MAP2K1: variants seen among roughly 807,000 people sequenced by gnomAD.
The protein encoded by MAP2K1 is mitogen-activated protein kinase kinase 1.
In MAP2K1, 16 loss-of-function variants were observed where a neutral mutation model predicts 46.3. The ratio of observed to expected loss-of-function variants is 0.35; its 90% CI spans 0.23 to 0.52. MAP2K1 has a LOEUF of 0.52. Ranked by LOEUF, MAP2K1 falls within the 20% of genes least tolerant of loss-of-function variation. The pLI, the probability that MAP2K1 is intolerant of heterozygous loss-of-function variation, is 0.94. For missense variants in MAP2K1, 263 were observed against 497.1 expected (o/e 0.53, Z 4.48); for synonymous variants, 183 against 185.6 (o/e 0.99, Z 0.11).
At chr15:66,481,642 G>A in intron 5 of MAP2K1, 113 bp from the exon 6 acceptor site, 4 of 1,228,450 alleles carry the variant, frequency 3.3e-6, no homozygotes, top group Non-Finnish European at 3.6e-6. Flanking sequence ...ATGGCGGACG[G>A]GGGTGTGGTC....
intron 1 of MAP2K1, among the ~76,000 whole-genome samples, chr15:66,420,839 ATG>A (rs376671916): frequency 0.18 from 16,836 of 92,276 alleles, 4,586 homozygotes; most frequent in Middle Eastern, 0.32. Context: ...GTGTATATAT[ATG>A]TGTGTATATA....
chr15:66,449,408 A>G (rs1891974386), intron 5 of MAP2K1, among the ~76,000 whole-genome samples: 1 of 152,212 alleles, frequency 6.6e-6, no homozygotes, highest in Non-Finnish European at 1.5e-5. Context: ...TTTAGAACAG[A>G]CAATCCACAG....
intron 1 of MAP2K1, among the ~76,000 whole-genome samples, chr15:66,420,692 A>T: frequency 1.2e-5 from 1 of 81,346 alleles, no homozygotes; most frequent in African/African-American, 4.2e-5. Context: ...TATTCCCCTA[A>T]TACTTACTCT....
rs183619494 is a variant in MAP2K1, at chr15:66,453,653, A to T, written c.568+8946A>T. The T allele has an allele frequency of 1.0e-3, 638 of 638,302 alleles. 1 individual carries two copies. In the African/African-American group the frequency reaches 0.01, roughly 10 times the overall value. The allele number at this position is 638,302 out of a possible 1,614,324, so 39.5% of individuals were successfully genotyped here. A position where few individuals can be genotyped will look rare whatever the true frequency, so the allele number is the denominator to read the frequency against. On this transcript the variant is annotated intron_variant, in intron 5 of 10. Coordinates refer to ENST00000307102, the MANE Select transcript of MAP2K1 (RefSeq NM_002755.4). ...GGCCAGTTCTACCTCTGTTCTAAAT[A>T]TATTCTTCACTGATGAAATTTCAAC...
chr15:66,435,015 A>C lies in MAP2K1; in HGVS notation c.81-12A>C, dbSNP rs758667573. ...GTGACAGTATTGACTTGTGCTCCCC[A>C]CTTTGGAACAGGACCAACTTGGAGG... On this transcript the variant is annotated splice_polypyrimidine_tract_variant and intron_variant, in intron 1 of 10. Coordinates refer to ENST00000307102, the MANE Select transcript of MAP2K1 (RefSeq NM_002755.4). 1 of 1,584,540 alleles carries C rather than the reference A, an allele frequency of 6.3e-7. No individual in the cohort carries two copies.
intron 8 of MAP2K1, 108 bp from the exon 9 acceptor site, chr15:66,489,104 GAGA>G: frequency 2.3e-6 from 2 of 851,824 alleles, no homozygotes; most frequent in Non-Finnish European, 4.0e-6. Flanking sequence ...TTGGACTGCA[GAGA>G]AGACTTTAAA....
intron 1 of MAP2K1, among the ~76,000 whole-genome samples, chr15:66,434,781 C>G (rs746062213): frequency 7.9e-5 from 12 of 152,088 alleles, no homozygotes; most frequent in Non-Finnish European, 1.5e-4. Context: ...GTGAGAAAGA[C>G]CTAATTTTTT....
chr15:66,398,797 CAG>C (rs1313420276), intron 1 of MAP2K1, among the ~76,000 whole-genome samples: 2 of 141,016 alleles, frequency 1.4e-5, no homozygotes, highest in Admixed American at 1.5e-4. Context: ...TTTTTTGAGA[CAG>C]TCTCACTCTT....
At chr15:66,488,120 A>G (rs999015299) in intron 8 of MAP2K1, among the ~76,000 whole-genome samples, 7 of 151,834 alleles carry the variant, frequency 4.6e-5, no homozygotes, top group Middle Eastern at 3.4e-3. Flanking sequence ...CAGTTGTTCT[A>G]CTGCAGCCTC....
intron 7 of MAP2K1, among the ~76,000 whole-genome samples, 156 bp downstream of exon 7, chr15:66,485,347 C>T (rs1350637323): frequency 6.6e-6 from 1 of 152,220 alleles, no homozygotes; most frequent in Non-Finnish European, 1.5e-5. Flanking sequence ...CAAGGGTCTC[C>T]AGGTGGGTGT....
rs568216209 is a variant in MAP2K1, at chr15:66,423,120, C to T, written c.81-11907C>T. Among the ~76,000 whole-genome samples the T allele has an allele frequency of 1.9e-4, 29 of 152,064 alleles. 1 individual carries two copies. The South Asian group carries it at 4.4e-3, about 23-fold the overall frequency. ...CCAGCCTCCATTTAAAAAGTTCTGT[C>T]GACCTATCTTCAGGGTCACTGATTG... On this transcript the variant is annotated intron_variant, in intron 1 of 10. Transcript: ENST00000307102.
intron 6 of MAP2K1, among the ~76,000 whole-genome samples, chr15:66,484,367 C>T (rs562528614): frequency 2.0e-5 from 3 of 152,026 alleles, no homozygotes; most frequent in African/African-American, 7.2e-5. Context: ...AGGCTGGTCT[C>T]GAACTCCTGA....
At chr15:66,389,910 A>G (rs1566992749) in intron 1 of MAP2K1, among the ~76,000 whole-genome samples, 1 of 152,082 alleles carries the variant, frequency 6.6e-6, no homozygotes, top group Non-Finnish European at 1.5e-5. Context: ...GCTTAGGTTT[A>G]GTTTTTTTCA....
At chr15:66,478,466 ATATATATACAGGTG>A (rs1278475649) in intron 5 of MAP2K1, among the ~76,000 whole-genome samples, 1 of 147,062 alleles carries the variant, frequency 6.8e-6, no homozygotes, top group Admixed American at 6.9e-5. Flanking sequence ...AGGTATATAT[ATATATATACAGGTG>A]TATATATAGA....
chr15:66,465,622 A>G (rs2140640319), intron 5 of MAP2K1, among the ~76,000 whole-genome samples: 1 of 152,228 alleles, frequency 6.6e-6, no homozygotes, highest in East Asian at 1.9e-4. Context: ...GCATAAGACA[A>G]TATGAGGTGG....
At chr15:66,424,791 C>CTTTTTTTTT (rs58738231) in intron 1 of MAP2K1, among the ~76,000 whole-genome samples, 1 of 82,120 alleles carries the variant, frequency 1.2e-5, no homozygotes, top group Non-Finnish European at 2.3e-5. Context: ...CAATCTCAAT[C>CTTTTTTTTT]TTTTTTTTTT....
chr15:66,388,288 C>T (rs1031665010), intron 1 of MAP2K1, among the ~76,000 whole-genome samples: 29 of 152,096 alleles, frequency 1.9e-4, no homozygotes, highest in African/African-American at 7.0e-4. Flanking sequence ...CTCTTGGGTT[C>T]TAGGTAAGGG....
intron 4 of MAP2K1, 116 bp downstream of exon 4, chr15:66,443,473 G>T: frequency 1.4e-6 from 1 of 724,914 alleles, no homozygotes; most frequent in Non-Finnish European, 2.5e-6. Context: ...TATAAGAAAA[G>T]TGGTATTTTC....
At chr15:66,472,124 G>A (rs904267693) in intron 5 of MAP2K1, among the ~76,000 whole-genome samples, 9 of 149,164 alleles carry the variant, frequency 6.0e-5, no homozygotes, top group African/African-American at 9.9e-5. Context: ...CCAACATGGC[G>A]AAACCCCATC....
Sources: allele counts gnomAD v4.1 joint callset (sites outside exome capture counted in the v4.1 genomes callset), GRCh38; gene constraint gnomAD v4.1.1; transcripts MANE v1.5; gene names NCBI Gene and HGNC (gene_info 2026-07-23, HGNC 2026-07-21).